MRTFA: variants seen among roughly 807,000 people sequenced by gnomAD.
MRTFA encodes myocardin related transcription factor A, also known as myocardin-related transcription factor A.
Under a neutral mutation model 83.5 loss-of-function variants are expected in MRTFA, and 20 were observed. The observed-to-expected ratio is 0.24, with a 90% CI of 0.17 to 0.35. The LOEUF (loss-of-function observed/expected upper bound fraction) is 0.35, where lower values mean the gene tolerates loss of function less well. Ranked by LOEUF, MRTFA falls within the 10% of genes least tolerant of loss-of-function variation. The pLI, the probability that MRTFA is intolerant of heterozygous loss-of-function variation, is 1.00. For synonymous variants in MRTFA, 659 were observed against 541.2 expected (o/e 1.22, Z -3.02); for missense variants, 1,200 against 1,224.7 (o/e 0.98, Z 0.30).
intron 2 of MRTFA, chr22:40,587,639 G>GT: frequency 3.3e-6 from 1 of 305,952 alleles, no homozygotes; most frequent in Non-Finnish European, 6.5e-6. Context: ...ATAGCATATT[G>GT]TTTTTTGGAT....
At chr22:40,470,442 A>T (rs2053890115) in intron 3 of MRTFA, among the ~76,000 whole-genome samples, 1 of 151,218 alleles carries the variant, frequency 6.6e-6, no homozygotes, top group African/African-American at 2.4e-5. Flanking sequence ...TACAGCTGAA[A>T]CAGTGCTTAG....
chr22:40,521,807 T>C (rs1451120313), intron 3 of MRTFA: 1 of 151,526 alleles, frequency 6.6e-6, no homozygotes, highest in African/African-American at 2.4e-5. Context: ...CTCAAATGAA[T>C]TTTTGGGATG....
intron 3 of MRTFA, among the ~76,000 whole-genome samples, chr22:40,525,425 C>A (rs1048127981): frequency 1.3e-5 from 2 of 151,706 alleles, no homozygotes; most frequent in African/African-American, 4.8e-5. Flanking sequence ...TGCTTGAGCC[C>A]GGGAGACAGA....
At chr22:40,603,718 G>A (rs2147399484) in intron 1 of MRTFA, among the ~76,000 whole-genome samples, 1 of 151,512 alleles carries the variant, frequency 6.6e-6, no homozygotes, top group South Asian at 2.1e-4. Context: ...AGGAGGAGGT[G>A]TGGAGTAATA....
chr22:40,610,040 T>TC (rs1018573275), intron 1 of MRTFA, among the ~76,000 whole-genome samples: 29 of 149,018 alleles, frequency 1.9e-4, no homozygotes, highest in African/African-American at 6.6e-4. Context: ...TTCTTTTTTT[T>TC]CTCTTTTTTT....
intron 3 of MRTFA, among the ~76,000 whole-genome samples, chr22:40,499,575 T>G (rs1415665524): frequency 6.6e-6 from 1 of 152,174 alleles, no homozygotes; most frequent in South Asian, 2.1e-4. Context: ...TTTTAAAATT[T>G]TAATACCTCC....
intron 4 of MRTFA, among the ~76,000 whole-genome samples, chr22:40,447,337 A>G (rs2053399210): frequency 6.6e-6 from 1 of 151,370 alleles, no homozygotes; most frequent in Non-Finnish European, 1.5e-5. Context: ...TAAGTAACAG[A>G]GTCTTTGTTT....
At chr22:40,577,761 C>T (rs2055888722) in intron 2 of MRTFA, among the ~76,000 whole-genome samples, 1 of 151,964 alleles carries the variant, frequency 6.6e-6, no homozygotes, top group Non-Finnish European at 1.5e-5. Context: ...CATACACCAC[C>T]ATGCCCGGCT....
rs201308820 is a variant in MRTFA at position 40,418,874 on chromosome 22, C to T, written c.1864G>A (p.Asp622Asn). The T allele has an allele frequency of 2.9e-4, 461 of 1,612,400 alleles. 1 individual carries two copies. Among genetic ancestry groups the T allele is most frequent in the Non-Finnish European group, 3.4e-4 (402 of 1,179,828 alleles). ...TTCTCCTGCAGCATCTGGTCCTTGT[C>T]GCGCCCCTCTAGCTCCGCCCGCCCC... Residue 622 changes from aspartate (D) to asparagine (N), a missense_variant, in exon 12 of 15, where the codon GAC (aspartate) becomes AAC (asparagine). Asp to Asn is a conservative substitution (Grantham distance 23, BLOSUM62 1). Coordinates refer to ENST00000355630, the MANE Select transcript of MRTFA (RefSeq NM_020831.6).
rs1188084339 is a variant in MRTFA at position 40,555,575 on chromosome 22, TA to T, written c.-21-3209del. On this transcript the variant is annotated intron_variant, in intron 2 of 14. Coordinates refer to ENST00000355630, the MANE Select transcript of MRTFA (RefSeq NM_020831.6). ...CATGAACCAATTAAACCTCATAAATTAAAAAAAATTTTATATATATATATAT... is the reference window on the plus strand; with the variant it reads ...CATGAACCAATTAAACCTCATAAATTAAAAAAATTTTATATATATATATAT... 2.7e-5 allele frequency among the ~76,000 whole-genome samples: 4 copies of T among 149,308 alleles called. No individual in the cohort carries two copies. In the East Asian group the frequency reaches 6.1e-4, roughly 23 times the overall value.
intron 2 of MRTFA, among the ~76,000 whole-genome samples, chr22:40,584,730 C>CAA (rs58633243): frequency 0.015 from 860 of 56,888 alleles, 9 homozygotes; most frequent in Middle Eastern, 0.051. Flanking sequence ...GACTCTGTCT[C>CAA]AAAAAAAAAA....
chr22:40,533,545 A>C (rs549146314), intron 3 of MRTFA: 5 of 1,139,358 alleles, frequency 4.4e-6, no homozygotes, highest in East Asian at 3.2e-5. Flanking sequence ...TAAGATTTGT[A>C]GGAAATTATT....
chr22:40,499,914 CTTTTTTTTTTTTTTT>C (rs72041822), intron 3 of MRTFA, among the ~76,000 whole-genome samples: 4 of 84,928 alleles, frequency 4.7e-5, no homozygotes, highest in Admixed American at 1.7e-4. Context: ...TCAAGTAGAC[CTTTTTTTTTTTTTTT>C]TTTTTTTTTT....
intron 3 of MRTFA, among the ~76,000 whole-genome samples, chr22:40,515,587 G>A (rs934467637): frequency 6.6e-6 from 1 of 152,050 alleles, no homozygotes; most frequent in African/African-American, 2.4e-5. Flanking sequence ...CAGCTACCTG[G>A]GTGGCTGGGG....
At chr22:40,513,955 T>C (rs1292672626) in intron 3 of MRTFA, among the ~76,000 whole-genome samples, 1 of 151,088 alleles carries the variant, frequency 6.6e-6, no homozygotes. Context: ...ATTTTTTTTT[T>C]TTAAGTTAAA....
At chr22:40,417,727 T>A (rs1442139393) in intron 12 of MRTFA, 1 of 533,984 alleles carries the variant, frequency 1.9e-6, no homozygotes, top group Non-Finnish European at 3.3e-6. Flanking sequence ...GGGAGAGGTC[T>A]CTGGGCTGGG....
At chr22:40,463,384 G>A in intron 3 of MRTFA, 98 bp from the exon 4 acceptor site, 1 of 1,014,992 alleles carries the variant, frequency 9.9e-7, no homozygotes, top group East Asian at 2.4e-5. Context: ...AAAAACAGAA[G>A]GATGTAGTGT....
intron 2 of MRTFA, among the ~76,000 whole-genome samples, chr22:40,583,286 T>G (rs1047638932): frequency 1.3e-5 from 2 of 152,132 alleles, no homozygotes; most frequent in Non-Finnish European, 2.9e-5. Context: ...TAGCTCCCTA[T>G]GATGACACTA....
At chr22:40,604,224 A>G (rs1308899021) in intron 1 of MRTFA, among the ~76,000 whole-genome samples, 3 of 149,514 alleles carry the variant, frequency 2.0e-5, no homozygotes, top group Admixed American at 2.0e-4. Flanking sequence ...TCCGCCTCCC[A>G]GGTTCACGCC....
Sources: gnomAD v4.1 joint callset for allele counts (sites outside exome capture counted in the v4.1 genomes callset) on GRCh38, gnomAD v4.1.1 for gene constraint, MANE v1.5 for transcripts, NCBI Gene and HGNC (gene_info 2026-07-23, HGNC 2026-07-21) for gene names.